CAMK2A: variants seen among roughly 807,000 people sequenced by gnomAD.
The protein encoded by CAMK2A is calcium/calmodulin-dependent protein kinase type II subunit alpha.
A neutral mutation model predicts 79.2 loss-of-function variants in CAMK2A; 7 were observed. The observed-to-expected ratio is 0.09, with a 90% CI of 0.05 to 0.17. The LOEUF (loss-of-function observed/expected upper bound fraction) is 0.17, where lower values mean the gene tolerates loss of function less well. Among genes scored for constraint, CAMK2A ranks in the 10% least tolerant of loss-of-function variants. The pLI, the probability that CAMK2A is intolerant of heterozygous loss-of-function variation, is 1.00. For missense variants in CAMK2A, 214 were observed against 646.4 expected (o/e 0.33, Z 7.25); for synonymous variants, 242 against 251.7 (o/e 0.96, Z 0.36).
chr5:150,252,487 C>T (rs1360352608), intron 7 of CAMK2A, among the ~76,000 whole-genome samples: 1 of 152,202 alleles, frequency 6.6e-6, no homozygotes, highest in Non-Finnish European at 1.5e-5. Flanking sequence ...ACTCTGCACC[C>T]CCTTGTTGGA....
At chr5:150,232,239 G>A (rs1419278693) in intron 15 of CAMK2A, among the ~76,000 whole-genome samples, 1 of 152,240 alleles carries the variant, frequency 6.6e-6, no homozygotes, top group Non-Finnish European at 1.5e-5. Flanking sequence ...CGGGCCACAA[G>A]GTGGTTTGAA....
At chr5:150,275,211 G>A (rs905196146) in intron 1 of CAMK2A, among the ~76,000 whole-genome samples, 13 of 152,216 alleles carry the variant, frequency 8.5e-5, no homozygotes, top group East Asian at 3.8e-4. Context: ...TCCTTGGGGC[G>A]TGCAGCCTGT....
At chr5:150,281,750 G>C (rs1352901753) in intron 1 of CAMK2A, among the ~76,000 whole-genome samples, 1 of 152,192 alleles carries the variant, frequency 6.6e-6, no homozygotes, top group African/African-American at 2.4e-5. Context: ...CAGCTTACTT[G>C]AGATTCTCTG....
chr5:150,260,458 CAA>C (rs11374999), intron 3 of CAMK2A, among the ~76,000 whole-genome samples: 24,820 of 115,272 alleles, frequency 0.22, 2,159 homozygotes, highest in East Asian at 0.29. Context: ...GAGTCCGTCT[CAA>C]AAAAAAAAAA....
upstream of CAMK2A, chr5:150,290,015 G>A (rs1400179622): frequency 1.1e-5 from 2 of 188,780 alleles, no homozygotes; most frequent in Non-Finnish European, 1.1e-5. Context: ...GACCCAAGGA[G>A]GGCCTGGAGG....
chr5:150,257,468 A>G (rs1489358129), intron 4 of CAMK2A, 95 bp downstream of exon 4: 10 of 1,110,270 alleles, frequency 9.0e-6, no homozygotes, highest in Non-Finnish European at 1.3e-5. Context: ...ACTCTGGACC[A>G]CAAGAGGGAA....
chr5:150,244,414 G>A (rs754693372), intron 13 of CAMK2A, among the ~76,000 whole-genome samples: 2 of 152,258 alleles, frequency 1.3e-5, no homozygotes, highest in Non-Finnish European at 2.9e-5. Flanking sequence ...GCCCTCGCCA[G>A]GCAGGGCTCT....
At chr5:150,268,901 C>G (rs1259776539) in intron 2 of CAMK2A, among the ~76,000 whole-genome samples, 2 of 152,058 alleles carry the variant, frequency 1.3e-5, no homozygotes, top group African/African-American at 4.8e-5. Context: ...GTAGCTGGGA[C>G]TACAGGCACC....
chr5:150,267,717 C>T (rs570027597), intron 2 of CAMK2A, among the ~76,000 whole-genome samples: 31 of 152,104 alleles, frequency 2.0e-4, no homozygotes, highest in African/African-American at 6.5e-4. Context: ...TTTTGACCTC[C>T]GAGGCCGTGT....
In CAMK2A at chr5:150,221,784, T is replaced by C. The variant is rs1279111945; in HGVS notation, c.*926A>G. ...AAAAAAAACTAGAACAGAAAAAAAC[T>C]ACCCCTCACCCCTCTTCCTACACCC... On this transcript the variant is annotated 3_prime_UTR_variant, in exon 19 of 19. Coordinates refer to ENST00000671881, the MANE Select transcript of CAMK2A (RefSeq NM_015981.4). The C allele has an allele frequency of 1.0e-5, 4 of 391,908 alleles. No homozygotes were observed. Among genetic ancestry groups the C allele is most frequent in the African/African-American group, 4.2e-5 (2 of 47,542 alleles). 24.3% of individuals were successfully genotyped at this position (391,908 alleles called of 1,614,324 possible).
chr5:150,239,779 C>CA lies in CAMK2A; in HGVS notation c.985-44_985-43insT, dbSNP rs760480919. 1.6e-5 allele frequency: 26 copies of CA among 1,578,280 alleles called. No homozygotes were observed. In the Admixed American group the frequency reaches 4.3e-4, roughly 26 times the overall value. ...AGAGATGGGACAGGAAAAGACACAGCGTGAAAACGGCAGGGAGCAGAGGAA... is the reference window on the plus strand; with the variant it reads ...AGAGATGGGACAGGAAAAGACACAGCAGTGAAAACGGCAGGGAGCAGAGGAA... On this transcript the variant is annotated intron_variant, in intron 13 of 18. Coordinates refer to ENST00000671881, the MANE Select transcript of CAMK2A (RefSeq NM_015981.4).
At chr5:150,263,338 ACACACATT>A (rs941267492) in intron 3 of CAMK2A, among the ~76,000 whole-genome samples, 20 of 152,128 alleles carry the variant, frequency 1.3e-4, no homozygotes, top group East Asian at 7.7e-4. Flanking sequence ...AGCAACACAC[ACACACATT>A]CACACATTCA....
rs1207504966 is a variant in CAMK2A at position 150,220,164 on chromosome 5, C to G, written c.*2546G>C. On this transcript the variant is annotated 3_prime_UTR_variant, in exon 19 of 19. Transcript: ENST00000671881. ...AGCCAATGAAAGGCAGGACCTCAGG[C>G]TCCTCCAGCTCAGTTTCCTCTGGCA... 4 of 152,432 alleles carry G rather than the reference C, an allele frequency of 2.6e-5. No individual in the cohort carries two copies. Among genetic ancestry groups the G allele is most frequent in the African/African-American group, 9.6e-5 (4 of 41,462 alleles). The allele number at this position is 152,432 out of a possible 1,614,324, so 9.4% of individuals were successfully genotyped here. A position where few individuals can be genotyped will look rare whatever the true frequency, so the allele number is the denominator to read the frequency against.
chr5:150,285,120 G>C lies in CAMK2A; in HGVS notation c.62+4444C>G, dbSNP rs149407172. On this transcript the variant is annotated intron_variant, in intron 1 of 18. Coordinates refer to ENST00000671881, the MANE Select transcript of CAMK2A (RefSeq NM_015981.4). ...GGCCACTGCTCCTCTTCCCCTGTTA[G>C]TGGGTAAGAGGGAGGATGTTCCCCA... Among the ~76,000 whole-genome samples the C allele has an allele frequency of 3.5e-4, 53 of 152,288 alleles. No homozygotes were observed. In the East Asian group the frequency reaches 4.6e-3, roughly 13 times the overall value.
chr5:150,250,912 C>T (rs1755803831), intron 9 of CAMK2A, 102 bp from the exon 10 acceptor site: 3 of 1,356,320 alleles, frequency 2.2e-6, no homozygotes, highest in African/African-American at 1.4e-5. Flanking sequence ...GTCCTACTGC[C>T]CATCCACTCG....
chr5:150,244,554 G>A (rs867287144), intron 13 of CAMK2A, among the ~76,000 whole-genome samples: 2 of 152,262 alleles, frequency 1.3e-5, no homozygotes, highest in African/African-American at 2.4e-5. Flanking sequence ...AAGGAGGACC[G>A]CAGGATGTGG....
chr5:150,274,064 T>A (rs1029486881), intron 1 of CAMK2A, among the ~76,000 whole-genome samples: 1 of 152,250 alleles, frequency 6.6e-6, no homozygotes, highest in Non-Finnish European at 1.5e-5. Context: ...AGTGCCTGTT[T>A]CCTTTGCCCT....
At chr5:150,280,260 G>A (rs764814117) in intron 1 of CAMK2A, among the ~76,000 whole-genome samples, 5 of 152,072 alleles carry the variant, frequency 3.3e-5, no homozygotes, top group Admixed American at 1.3e-4. Flanking sequence ...GTGGCCTTCT[G>A]GGGACAGCAA....
At position 150,222,089 on chromosome 5, in the gene CAMK2A, G is replaced by C. The variant is rs1754338478; in HGVS notation, c.*621C>G. The C allele has an allele frequency of 5.2e-6, 1 of 192,004 alleles. No homozygotes were observed. Among genetic ancestry groups the C allele is most frequent in the African/African-American group, 2.3e-5 (1 of 43,788 alleles). The allele number at this position is 192,004 out of a possible 1,614,324, so 11.9% of individuals were successfully genotyped here. A position where few individuals can be genotyped will look rare whatever the true frequency, so the allele number is the denominator to read the frequency against. ...TTCACCAGAAGGAAGCAGAAAGCAA[G>C]TAGGGGCACCTGAGAGGGCCACATC... On this transcript the variant is annotated 3_prime_UTR_variant, in exon 19 of 19. Transcript: ENST00000671881.
Sources: allele counts gnomAD v4.1 joint callset (sites outside exome capture counted in the v4.1 genomes callset), GRCh38; gene constraint gnomAD v4.1.1; transcripts MANE v1.5; gene names NCBI Gene and HGNC (gene_info 2026-07-23, HGNC 2026-07-21).